CCSER1: variants seen among roughly 807,000 people sequenced by gnomAD.
CCSER1 encodes coiled-coil serine rich protein 1, also known as serine-rich coiled-coil domain-containing protein 1.
In CCSER1, 41 loss-of-function variants were observed where a neutral mutation model predicts 82.0. That is an observed-to-expected ratio of 0.50 (90% CI 0.39 to 0.65). CCSER1 has a LOEUF of 0.65. Ranked by LOEUF, CCSER1 falls within the 30% of genes least tolerant of loss-of-function variation. The pLI, the probability that CCSER1 is intolerant of heterozygous loss-of-function variation, is 0.00. For missense variants in CCSER1, 1,119 were observed against 1,064.2 expected (o/e 1.05, Z -0.72); for synonymous variants, 414 against 383.9 (o/e 1.08, Z -0.92).
chr4:90,335,884 C>T (rs1412102342), intron 3 of CCSER1, among the ~76,000 whole-genome samples: 1 of 152,178 alleles, frequency 6.6e-6, no homozygotes, highest in Non-Finnish European at 1.5e-5. Flanking sequence ...TTCCAAAGTG[C>T]TGGGATTACA....
chr4:90,699,030 G>T (rs139278794), intron 6 of CCSER1, among the ~76,000 whole-genome samples: 36 of 152,214 alleles, frequency 2.4e-4, no homozygotes, highest in Non-Finnish European at 3.5e-4. Flanking sequence ...GAGCTCAAGA[G>T]GTTGAGGGTG....
chr4:90,776,521 A>G (rs1369736468), intron 7 of CCSER1, among the ~76,000 whole-genome samples: 1 of 152,230 alleles, frequency 6.6e-6, no homozygotes, highest in African/African-American at 2.4e-5. Flanking sequence ...AAGGTAAGCT[A>G]GCTATCTATT....
chr4:91,427,117 C>T (rs779918935), intron 10 of CCSER1, among the ~76,000 whole-genome samples: 2 of 152,064 alleles, frequency 1.3e-5, no homozygotes, highest in Non-Finnish European at 2.9e-5. Context: ...AAATGGAAAA[C>T]AGATAAGGAA....
intron 7 of CCSER1, among the ~76,000 whole-genome samples, chr4:90,757,183 T>A (rs1309384483): frequency 6.6e-6 from 1 of 152,224 alleles, no homozygotes; most frequent in African/African-American, 2.4e-5. Context: ...TGGCTTTTGT[T>A]TATGATTCTG....
intron 1 of CCSER1, among the ~76,000 whole-genome samples, chr4:90,147,608 G>C (rs1207446844): frequency 6.6e-6 from 1 of 152,080 alleles, no homozygotes; most frequent in Non-Finnish European, 1.5e-5. Flanking sequence ...AACAATTCAG[G>C]TGTACTAAAA....
intron 3 of CCSER1, among the ~76,000 whole-genome samples, chr4:90,321,837 T>C (rs1475594124): frequency 6.6e-6 from 1 of 152,162 alleles, no homozygotes; most frequent in African/African-American, 2.4e-5. Flanking sequence ...TAAATTGGAT[T>C]ATTTAGTTAT....
intron 10 of CCSER1, among the ~76,000 whole-genome samples, chr4:91,114,723 T>TA (rs1726399241): frequency 2.6e-5 from 4 of 152,226 alleles, no homozygotes; most frequent in Admixed American, 2.0e-4. Context: ...CCTTATATTT[T>TA]ACAGCTTCTC....
intron 10 of CCSER1, among the ~76,000 whole-genome samples, chr4:91,507,229 A>G (rs1588987): frequency 0.94 from 142,438 of 152,142 alleles, 66,816 homozygotes; most frequent in African/African-American, 0.98. Flanking sequence ...TGACTGCCAC[A>G]TTTTAAAATC....
chr4:90,628,875 T>A (rs1163926369), intron 6 of CCSER1, among the ~76,000 whole-genome samples: 2 of 152,140 alleles, frequency 1.3e-5, no homozygotes, highest in East Asian at 3.8e-4. Flanking sequence ...CAACAGTTGT[T>A]TTATTTGAGG....
At chr4:91,078,214 A>T (rs1272446508) in intron 9 of CCSER1, among the ~76,000 whole-genome samples, 1 of 152,162 alleles carries the variant, frequency 6.6e-6, no homozygotes, top group Admixed American at 6.5e-5. Context: ...CTAACACCTC[A>T]TAAGGCTGGT....
chr4:90,785,305 A>G (rs954087819), intron 7 of CCSER1, among the ~76,000 whole-genome samples: 29 of 152,236 alleles, frequency 1.9e-4, no homozygotes, highest in African/African-American at 6.7e-4. Flanking sequence ...CCCAAATTAC[A>G]GGCATGAGCC....
chr4:90,161,443 G>A (rs541976795), intron 1 of CCSER1, among the ~76,000 whole-genome samples: 1 of 152,078 alleles, frequency 6.6e-6, no homozygotes, highest in Non-Finnish European at 1.5e-5. Context: ...TATTGTTGAT[G>A]TATTAGCTGT....
intron 10 of CCSER1, among the ~76,000 whole-genome samples, chr4:91,124,304 G>A (rs1272745254): frequency 1.3e-5 from 2 of 151,710 alleles, no homozygotes; most frequent in Non-Finnish European, 3.0e-5. Flanking sequence ...TAAAACAAGA[G>A]AAATTCTGCA....
intron 5 of CCSER1, among the ~76,000 whole-genome samples, chr4:90,540,795 G>A (rs1776006841): frequency 6.6e-6 from 1 of 151,986 alleles, no homozygotes; most frequent in Non-Finnish European, 1.5e-5. Flanking sequence ...TAACTAATAA[G>A]AGCTTTAGTT....
chr4:90,497,284 T>C (rs1578810500), intron 5 of CCSER1, among the ~76,000 whole-genome samples: 1 of 152,190 alleles, frequency 6.6e-6, no homozygotes, highest in African/African-American at 2.4e-5. Flanking sequence ...GAGAACATAG[T>C]TCTGATACAT....
At chr4:91,113,065 C>G (rs1045061865) in intron 10 of CCSER1, among the ~76,000 whole-genome samples, 1 of 152,178 alleles carries the variant, frequency 6.6e-6, no homozygotes, top group African/African-American at 2.4e-5. Flanking sequence ...GTTATAGCTG[C>G]GGCTATAGAA....
chr4:91,316,190 A>G (rs886588016), intron 10 of CCSER1, among the ~76,000 whole-genome samples: 31 of 151,996 alleles, frequency 2.0e-4, no homozygotes, highest in African/African-American at 7.2e-4. Context: ...CTTTTTATTT[A>G]TAAATTACTC....
At chr4:91,556,335 CCTT>C (rs1442865539) in intron 10 of CCSER1, among the ~76,000 whole-genome samples, 1 of 149,868 alleles carries the variant, frequency 6.7e-6, no homozygotes, top group South Asian at 2.1e-4. Flanking sequence ...ATGGCTCTAA[CCTT>C]CTTTTTTTTA....
At chr4:90,283,092 GA>G (rs1184284860) in intron 1 of CCSER1, among the ~76,000 whole-genome samples, 1 of 151,894 alleles carries the variant, frequency 6.6e-6, no homozygotes, top group African/African-American at 2.4e-5. Context: ...TCTACTACAT[GA>G]AACAGAGGGG....
Sources: gnomAD v4.1 joint callset for allele counts (sites outside exome capture counted in the v4.1 genomes callset) on GRCh38, gnomAD v4.1.1 for gene constraint, MANE v1.5 for transcripts, NCBI Gene and HGNC (gene_info 2026-07-23, HGNC 2026-07-21) for gene names.